GOSR1: variants seen among roughly 807,000 people sequenced by gnomAD.
GOSR1 encodes 28 kDa Golgi SNARE protein.
Under a neutral mutation model 35.5 loss-of-function variants are expected in GOSR1, and 21 were observed. The ratio of observed to expected loss-of-function variants is 0.59; its 90% CI spans 0.42 to 0.85. The LOEUF (loss-of-function observed/expected upper bound fraction) is 0.85. Among genes scored for constraint, GOSR1 ranks in the 40% least tolerant of loss-of-function variants. The probability of loss-of-function intolerance (pLI) is 0.00; values close to 1 mark genes in which losing one functional copy is unlikely to be tolerated. For missense variants in GOSR1, 285 were observed against 309.6 expected (o/e 0.92, Z 0.60); for synonymous variants, 94 against 106.6 (o/e 0.88, Z 0.73).
intron 6 of GOSR1, among the ~76,000 whole-genome samples, chr17:30,502,802 T>A (rs1415120207): frequency 1.3e-5 from 2 of 152,234 alleles, no homozygotes; most frequent in Admixed American, 1.3e-4. Context: ...CTCTGTAAAA[T>A]AAAAAGCTCT....
chr17:30,496,698 T>C (rs1967018695), intron 6 of GOSR1, among the ~76,000 whole-genome samples: 2 of 152,186 alleles, frequency 1.3e-5, no homozygotes. Flanking sequence ...CAGCTAACAA[T>C]ACCTAGCAAA....
intron 6 of GOSR1, among the ~76,000 whole-genome samples, chr17:30,493,534 TA>T (rs1457902366): frequency 1.3e-5 from 2 of 152,186 alleles, no homozygotes; most frequent in African/African-American, 4.8e-5. Context: ...GTTTACAAAA[TA>T]ATGTGAAAAA....
At position 30,526,593 on chromosome 17, in the gene GOSR1, C is replaced by G. The variant is rs1567924337; in HGVS notation, c.*4215C>G. The G allele has an allele frequency of 6.6e-6, 1 of 152,640 alleles. No individual in the cohort carries two copies. The highest frequency in any genetic ancestry group is 1.5e-5 in the Non-Finnish European group (1 of 68,036). 9.5% of individuals were successfully genotyped at this position (152,640 alleles called of 1,614,324 possible). On this transcript the variant is annotated 3_prime_UTR_variant, in exon 9 of 9. Coordinates refer to ENST00000451249, the MANE Select transcript of GOSR1 (RefSeq NM_001007025.2). ...GGGAAATCAATTCCAACCATACTTT[C>G]CTGTGATGGAAGATGTTTCCTCTTG...
At chr17:30,517,458 T>C (rs1374860431) in intron 7 of GOSR1, among the ~76,000 whole-genome samples, 1 of 152,220 alleles carries the variant, frequency 6.6e-6, no homozygotes, top group Non-Finnish European at 1.5e-5. Flanking sequence ...CGTAGCTTGC[T>C]TTAATCACTC....
intron 6 of GOSR1, among the ~76,000 whole-genome samples, chr17:30,503,693 G>A (rs1967296215): frequency 1.3e-5 from 2 of 152,170 alleles, no homozygotes; most frequent in African/African-American, 2.4e-5. Flanking sequence ...AGGAATCCCT[G>A]GCTTTTCTCT....
At chr17:30,477,762 TAATGG>T in intron 1 of GOSR1, 10 of 984,444 alleles carry the variant, frequency 1.0e-5, no homozygotes, top group Non-Finnish European at 1.2e-5. Context: ...GTTGAGGGAG[TAATGG>T]AACTCGGACG....
intron 6 of GOSR1, among the ~76,000 whole-genome samples, chr17:30,493,771 A>G (rs1966890912): frequency 1.3e-5 from 2 of 152,222 alleles, no homozygotes; most frequent in Non-Finnish European, 1.5e-5. Context: ...TTTTTCCCAT[A>G]TAATTTGATT....
At chr17:30,521,681 T>C (rs1399967709) in intron 8 of GOSR1, among the ~76,000 whole-genome samples, 1 of 152,174 alleles carries the variant, frequency 6.6e-6, no homozygotes, top group Non-Finnish European at 1.5e-5. Flanking sequence ...CGAAGTAACT[T>C]TGAAAATATT....
At chr17:30,489,043 T>G in intron 4 of GOSR1, among the ~76,000 whole-genome samples, 1 of 152,208 alleles carries the variant, frequency 6.6e-6, no homozygotes, top group East Asian at 1.9e-4. Flanking sequence ...ATATTATGAC[T>G]TACTTGGCAA....
At chr17:30,511,504 A>G (rs1349191338) in intron 7 of GOSR1, among the ~76,000 whole-genome samples, 1 of 151,650 alleles carries the variant, frequency 6.6e-6, no homozygotes, top group Non-Finnish European at 1.5e-5. Context: ...AAGGTAAATC[A>G]AAGTACATGA....
At chr17:30,483,213 A>G (rs946858063) in intron 2 of GOSR1, among the ~76,000 whole-genome samples, 2 of 151,668 alleles carry the variant, frequency 1.3e-5, no homozygotes, top group African/African-American at 4.9e-5. Context: ...ATTAAATTTA[A>G]CTGAATCCCA....
chr17:30,515,387 A>C (rs1387651591), intron 7 of GOSR1, among the ~76,000 whole-genome samples: 3 of 150,924 alleles, frequency 2.0e-5, no homozygotes, highest in African/African-American at 7.3e-5. Flanking sequence ...CTGTGAGCAT[A>C]GGGTGGTGAC....
At chr17:30,496,666 A>G (rs1056719067) in intron 6 of GOSR1, among the ~76,000 whole-genome samples, 4 of 152,326 alleles carry the variant, frequency 2.6e-5, no homozygotes, top group African/African-American at 7.2e-5. Flanking sequence ...CTATAAAAAC[A>G]CTTTCTCCTT....
At chr17:30,508,868 A>G (rs1405017628) in intron 6 of GOSR1, among the ~76,000 whole-genome samples, 4 of 152,238 alleles carry the variant, frequency 2.6e-5, no homozygotes, top group Admixed American at 6.5e-5. Context: ...CCCTGTGTCA[A>G]ATAACTAATA....
chr17:30,519,346 C>A (rs937784628), intron 7 of GOSR1, among the ~76,000 whole-genome samples: 2 of 152,142 alleles, frequency 1.3e-5, no homozygotes, highest in African/African-American at 4.8e-5. Context: ...CGTGAGCCAC[C>A]ACACCCAGCT....
In GOSR1 at chr17:30,485,185, G is replaced by A. The variant is rs147494151; in HGVS notation, c.342+415G>A. The A allele has an allele frequency of 1.0e-3, 228 of 228,516 alleles. No individual in the cohort carries two copies. In the East Asian group the frequency reaches 0.023, roughly 23 times the overall value. The allele number at this position is 228,516 out of a possible 1,614,324, so 14.2% of individuals were successfully genotyped here. On this transcript the variant is annotated intron_variant, in intron 4 of 8. Coordinates refer to ENST00000451249, the MANE Select transcript of GOSR1 (RefSeq NM_001007025.2). ...TATATTGTTTAAGAAAACAGTAAAT[G>A]TGTATGCACCAATAAAACTAAATAA...
intron 1 of GOSR1, chr17:30,480,935 C>G (rs1914299162): frequency 1.5e-5 from 6 of 406,826 alleles, no homozygotes; most frequent in East Asian, 4.7e-5. Flanking sequence ...TGGTCTCAAA[C>G]TCCCGACCTC....
intron 2 of GOSR1, among the ~76,000 whole-genome samples, chr17:30,481,986 A>T (rs1016679423): frequency 6.6e-6 from 1 of 152,088 alleles, no homozygotes; most frequent in African/African-American, 2.4e-5. Context: ...AAATAAAAAA[A>T]AATTTTTTAA....
intron 7 of GOSR1, among the ~76,000 whole-genome samples, chr17:30,517,091 G>GC (rs1354549890): frequency 6.6e-6 from 1 of 152,150 alleles, no homozygotes; most frequent in African/African-American, 2.4e-5. Context: ...CTAAATCCTA[G>GC]CATGTCCATG....
Sources: gnomAD v4.1 joint callset for allele counts (sites outside exome capture counted in the v4.1 genomes callset) on GRCh38, gnomAD v4.1.1 for gene constraint, MANE v1.5 for transcripts, NCBI Gene and HGNC (gene_info 2026-07-23, HGNC 2026-07-21) for gene names.